The following SEMA5A variants were observed in gnomAD, a reference collection of about 807,000 sequenced individuals.
SEMA5A encodes semaphorin 5A.
Under a neutral mutation model 135.5 loss-of-function variants are expected in SEMA5A, and 55 were observed. That is an observed-to-expected ratio of 0.41 (90% CI 0.33 to 0.51). SEMA5A has a LOEUF of 0.51. Among genes scored for constraint, SEMA5A ranks in the 20% least tolerant of loss-of-function variants. The pLI is 0.37. For missense variants in SEMA5A, 1,290 were observed against 1,419.9 expected (o/e 0.91, Z 1.47); for synonymous variants, 580 against 546.5 (o/e 1.06, Z -0.85).
chr5:9,305,960 A>G (rs1751849587), intron 5 of SEMA5A, among the ~76,000 whole-genome samples: 2 of 152,118 alleles, frequency 1.3e-5, no homozygotes, highest in African/African-American at 4.8e-5. Flanking sequence ...TCTGGGTTCT[A>G]ACTGCTTCTT....
intron 3 of SEMA5A, among the ~76,000 whole-genome samples, chr5:9,376,829 A>T (rs1449325849): frequency 6.6e-6 from 1 of 152,228 alleles, no homozygotes; most frequent in Non-Finnish European, 1.5e-5. Context: ...ATTCATATCC[A>T]GGGCAACTAG....
At chr5:9,226,547 A>G (rs899210061) in intron 7 of SEMA5A, among the ~76,000 whole-genome samples, 6 of 152,226 alleles carry the variant, frequency 3.9e-5, no homozygotes, top group Non-Finnish European at 7.3e-5. Flanking sequence ...TATCTCTACC[A>G]TAAAGCAGAA....
chr5:9,431,527 C>T (rs746788990), intron 2 of SEMA5A, among the ~76,000 whole-genome samples: 13 of 152,104 alleles, frequency 8.5e-5, no homozygotes, highest in Non-Finnish European at 1.6e-4. Flanking sequence ...GACACAAACA[C>T]ACATGAAACC....
chr5:9,267,415 A>G (rs1805936), intron 5 of SEMA5A, among the ~76,000 whole-genome samples: 25,973 of 152,076 alleles, frequency 0.17, 2,890 homozygotes, highest in Non-Finnish European at 0.24. Flanking sequence ...TACTTTAGGA[A>G]GTTCTTCCTT....
chr5:9,215,350 TC>T (rs1332959989), intron 8 of SEMA5A, among the ~76,000 whole-genome samples: 2 of 152,008 alleles, frequency 1.3e-5, no homozygotes, highest in Admixed American at 6.6e-5. Context: ...ACTGTACCCA[TC>T]CCCCAACCAA....
chr5:9,420,429 C>G (rs1757424619), intron 2 of SEMA5A, among the ~76,000 whole-genome samples: 1 of 152,052 alleles, frequency 6.6e-6, no homozygotes, highest in Non-Finnish European at 1.5e-5. Context: ...CAGGGTTACT[C>G]CTATGCTGGA....
intron 4 of SEMA5A, among the ~76,000 whole-genome samples, chr5:9,320,362 T>C (rs546608665): frequency 3.0e-4 from 45 of 152,220 alleles, no homozygotes; most frequent in African/African-American, 9.1e-4. Flanking sequence ...GGGGAGGGAA[T>C]ATTACAGGAA....
intron 13 of SEMA5A, 27 bp downstream of exon 13, chr5:9,136,477 C>T: frequency 6.3e-7 from 1 of 1,585,518 alleles, no homozygotes; most frequent in Non-Finnish European, 8.7e-7. Flanking sequence ...GCAGCATTTT[C>T]AGAGGATGGA....
chr5:9,159,674 C>T (rs1205232906), intron 11 of SEMA5A, among the ~76,000 whole-genome samples: 21 of 152,140 alleles, frequency 1.4e-4, no homozygotes, highest in Non-Finnish European at 8.8e-5. Context: ...ACCAGAAATA[C>T]CATTTGACCC....
intron 3 of SEMA5A, among the ~76,000 whole-genome samples, chr5:9,359,573 G>A (rs1754600764): frequency 6.6e-6 from 1 of 152,198 alleles, no homozygotes; most frequent in Admixed American, 6.5e-5. Context: ...AAATGAGTCA[G>A]TCCTTCCTTT....
chr5:9,349,927 A>G (rs1754040758), intron 3 of SEMA5A, among the ~76,000 whole-genome samples: 1 of 144,036 alleles, frequency 6.9e-6, no homozygotes, highest in South Asian at 2.1e-4. Context: ...ACAAACAAAC[A>G]AAAAAAAAAC....
At chr5:9,450,625 A>T (rs913970470) in intron 1 of SEMA5A, among the ~76,000 whole-genome samples, 1 of 152,052 alleles carries the variant, frequency 6.6e-6, no homozygotes, top group African/African-American at 2.4e-5. Flanking sequence ...CCCTCTCCCC[A>T]GTCAGCCACA....
intron 1 of SEMA5A, chr5:9,498,786 A>T (rs1232726500): frequency 6.6e-6 from 1 of 152,156 alleles, no homozygotes; most frequent in Non-Finnish European, 1.5e-5. Context: ...TCAAGACTGC[A>T]TACCTGGAAT....
At chr5:9,077,724 T>C (rs1448297724) in intron 16 of SEMA5A, among the ~76,000 whole-genome samples, 4 of 152,224 alleles carry the variant, frequency 2.6e-5, no homozygotes, top group Non-Finnish European at 4.4e-5. Context: ...ACACCCTCAC[T>C]GGCTCGAAGT....
Position 9,442,035 on chromosome 5 carries a change from A to T in SEMA5A, c.-174-4183T>A, listed in dbSNP as rs116005931. Among the ~76,000 whole-genome samples the T allele has an allele frequency of 6.3e-3, 966 of 152,308 alleles. 11 individuals are homozygous for T. The highest frequency in any genetic ancestry group is 0.022 in the African/African-American group (922 of 41,566). ...GGAGAAGCTGGGGTAAAAAGCCGCC[A>T]CCAGAGAACTCCAGGTATGAGGAGA... is the stretch of plus-strand genomic sequence containing the variant. On this transcript the variant is annotated intron_variant, in intron 1 of 22. Transcript: ENST00000382496.
At chr5:9,423,410 C>T (rs1757537800) in intron 2 of SEMA5A, among the ~76,000 whole-genome samples, 1 of 152,210 alleles carries the variant, frequency 6.6e-6, no homozygotes, top group Non-Finnish European at 1.5e-5. Context: ...TTGTGCAGTA[C>T]AAACTATGCG....
intron 6 of SEMA5A, among the ~76,000 whole-genome samples, chr5:9,231,113 G>A (rs1747606064): frequency 6.6e-6 from 1 of 152,168 alleles, no homozygotes; most frequent in African/African-American, 2.4e-5. Flanking sequence ...GAAAGTAGAA[G>A]TATTTAGCTT....
intron 11 of SEMA5A, among the ~76,000 whole-genome samples, chr5:9,161,709 G>A (rs1012426382): frequency 2.6e-5 from 4 of 152,296 alleles, no homozygotes; most frequent in Middle Eastern, 3.4e-3. Context: ...CTGGCTACAC[G>A]CAAACAAGAG....
At chr5:9,326,198 T>C (rs1484513437) in intron 4 of SEMA5A, among the ~76,000 whole-genome samples, 1 of 152,158 alleles carries the variant, frequency 6.6e-6, no homozygotes, top group East Asian at 1.9e-4. Context: ...TTTTCAAGTA[T>C]AGTGACATCC....
Sources: gnomAD v4.1 joint callset for allele counts (sites outside exome capture counted in the v4.1 genomes callset) on GRCh38, gnomAD v4.1.1 for gene constraint, MANE v1.5 for transcripts, NCBI Gene and HGNC (gene_info 2026-07-23, HGNC 2026-07-21) for gene names.